BUB1: variants seen among roughly 807,000 people sequenced by gnomAD.
The protein encoded by BUB1 is BUB1 mitotic checkpoint serine/threonine kinase.
In BUB1, 84 loss-of-function variants were observed where a neutral mutation model predicts 135.2. The observed-to-expected ratio is 0.62, with a 90% confidence interval of 0.52 to 0.74. BUB1 has a LOEUF of 0.74. Ranked by LOEUF, BUB1 falls within the 30% of genes least tolerant of loss-of-function variation. The pLI is 0.00. For missense variants in BUB1, 1,162 were observed against 1,288.3 expected, an observed-to-expected ratio of 0.90 and a Z score of 1.50; for synonymous variants, 403 against 434.4, an observed-to-expected ratio of 0.93 and a Z score of 0.90.
Position 110,638,018 on chromosome 2 carries a change from G to T in BUB1, c.3204C>A (p.Ala1068=). 6.3e-7 allele frequency: 1 copy of T among 1,594,840 alleles called. No individual in the cohort carries two copies. Among genetic ancestry groups the T allele is most frequent in the Non-Finnish European group, 8.5e-7 (1 of 1,171,570 alleles). Residue 1068 remains alanine (A), a synonymous_variant, in exon 25 of 25, where the codon GCC becomes GCA. Transcript: ENST00000302759. ...FQQHYTNKIR[A]LRNRLIVLLL... ...GCAGTACAATTAGCCTATTACGTAG[G>T]GCCCTAATCTTGTTAGTATAGTGTT...
chr2:110,649,478 A>G, intron 18 of BUB1, 101 bp from the exon 19 acceptor site: 1 of 1,179,598 alleles, frequency 8.5e-7, no homozygotes, highest in Admixed American at 2.5e-5. Flanking sequence ...ATATTTACTA[A>G]GTAAGCTTTC....
chr2:110,677,014 T>C (rs796093828), intron 1 of BUB1, among the ~76,000 whole-genome samples: 4 of 152,304 alleles, frequency 2.6e-5, no homozygotes, highest in African/African-American at 9.6e-5. Flanking sequence ...TTCCAAAATA[T>C]GTCTAGTAGG....
At chr2:110,639,886 A>C in intron 23 of BUB1, 38 bp from the exon 24 acceptor site, 2 of 1,461,914 alleles carry the variant, frequency 1.4e-6, no homozygotes, top group Non-Finnish European at 1.9e-6. Context: ...CTTAAATAGT[A>C]ATTTACACAT....
intron 16 of BUB1, 37 bp from the exon 17 acceptor site, chr2:110,653,560 ATGCACATG>A: frequency 6.4e-7 from 1 of 1,557,048 alleles, no homozygotes; most frequent in Non-Finnish European, 8.9e-7. Flanking sequence ...GATATGTTAG[ATGCACATG>A]TGTGCACAAC....
At chr2:110,661,516 G>T in intron 10 of BUB1, 66 bp downstream of exon 10, 3 of 1,535,602 alleles carry the variant, frequency 2.0e-6, no homozygotes, top group Non-Finnish European at 2.7e-6. Context: ...GATAATGCAG[G>T]TCATGTAAAG....
In BUB1 at chr2:110,667,637, T is replaced by A. The variant is rs761997746; in HGVS notation, c.689A>T (p.Asp230Val). 4 of 1,613,920 alleles carry A rather than the reference T, an allele frequency of 2.5e-6. No homozygotes were observed. In the African/African-American group the frequency reaches 5.3e-5, roughly 22 times the overall value. Residue 230 changes from aspartate to valine, a missense_variant, in exon 8 of 25, where the codon GAT (aspartate) becomes GTT (valine). Physicochemically the swap from Asp to Val is radical, Grantham distance 152. Transcript: ENST00000302759. Reference sequence around the variant, plus strand: ...GCAATACATAACAACCTGCTCAACATCAACTTTGGATGCCAAAGATGAGTG... The same window carrying A: ...GCAATACATAACAACCTGCTCAACAACAACTTTGGATGCCAAAGATGAGTG... The part of the protein sequence containing the change: ...SVHSSLASKV[D>V]VEQVVMYCKE...
chr2:110,672,667 T>G lies in BUB1; in HGVS notation c.416A>C (p.Gln139Pro). 2 of 1,586,370 alleles carry G rather than the reference T, an allele frequency of 1.3e-6. No homozygotes were observed. Among genetic ancestry groups the G allele is most frequent in the Non-Finnish European group, 1.7e-6 (2 of 1,167,928 alleles). The change falls in exon 4 of 25, where the codon CAA becomes CCA. Residue 139 changes from glutamine (Q) to proline (P), a missense_variant. By Grantham distance (76) the Gln-to-Pro change is moderately conservative. Transcript: ENST00000302759. ...QAEPREFLQQ[Q>P]YRLFQTRLTE... is the part of the protein sequence containing the mutation. ...AGTTTGACTTTGTAACTACCTGTATTGTTGTTGCAGGAACTCTCTGGGTTC... is the reference window on the plus strand; with the variant it reads ...AGTTTGACTTTGTAACTACCTGTATGGTTGTTGCAGGAACTCTCTGGGTTC...
chr2:110,638,266 AC>A, intron 24 of BUB1, 107 bp from the exon 25 acceptor site: 2 of 766,676 alleles, frequency 2.6e-6, no homozygotes, highest in Non-Finnish European at 4.0e-6. Context: ...TAGTATAACA[AC>A]TCTCACCTAA....
chr2:110,645,876 A>T (rs1251555901), intron 19 of BUB1, among the ~76,000 whole-genome samples: 3 of 152,168 alleles, frequency 2.0e-5, no homozygotes, highest in Non-Finnish European at 4.4e-5. Context: ...TGCATTATAT[A>T]ATGTTAAAGG....
At chr2:110,649,129 G>T in intron 19 of BUB1, 105 bp downstream of exon 19, 2 of 1,098,004 alleles carry the variant, frequency 1.8e-6, no homozygotes, top group Non-Finnish European at 2.6e-6. Flanking sequence ...ATTGGAGGTT[G>T]GGGGGCAAAT....
intron 5 of BUB1, among the ~76,000 whole-genome samples, chr2:110,670,265 A>C (rs1197585508): frequency 2.0e-5 from 3 of 150,464 alleles, no homozygotes; most frequent in Non-Finnish European, 4.4e-5. Context: ...CAGCCTCCTG[A>C]GTAGCCAGGA....
chr2:110,638,121 A>C lies in BUB1; in HGVS notation c.3101T>G (p.Val1034Gly), dbSNP rs1559161796. 1 of 1,600,738 alleles carries C rather than the reference A, an allele frequency of 6.2e-7. No individual in the cohort carries two copies. Among genetic ancestry groups the C allele is most frequent in the Non-Finnish European group, 8.5e-7 (1 of 1,176,482 alleles). The change falls in exon 25 of 25, where the codon GTT (valine) becomes GGT (glycine). Residue 1034 changes from valine (V) to glycine (G), a missense_variant. By Grantham distance (109) the Val-to-Gly change is moderately radical. Coordinates refer to ENST00000302759, the MANE Select transcript of BUB1 (RefSeq NM_004336.5). ...HLDMWNEFFHVMLNIPDCHHL... is the reference protein window; with the variant it reads ...HLDMWNEFFHGMLNIPDCHHL... ...ATGACAATCTGGAATATTCAACATAACATGAAAAAATTCATTCCACATATC... is the reference window on the plus strand; with the variant it reads ...ATGACAATCTGGAATATTCAACATACCATGAAAAAATTCATTCCACATATC...
chr2:110,670,126 GTTTTTTTT>G (rs377459142), intron 5 of BUB1, among the ~76,000 whole-genome samples: 1 of 120,860 alleles, frequency 8.3e-6, no homozygotes. Flanking sequence ...AATTGGATGG[GTTTTTTTT>G]TTTTTTTTTT....
In BUB1 at chr2:110,670,587, G is replaced by C; in HGVS notation, c.423-19C>G. Reference sequence around the variant, plus strand: ...AAATAACCTAAATGACAGCAGAAAAGGCATCAATGTAGATTATAAACTTAC... The same window carrying C: ...AAATAACCTAAATGACAGCAGAAAACGCATCAATGTAGATTATAAACTTAC... On this transcript the variant is annotated intron_variant, in intron 4 of 24. Coordinates refer to ENST00000302759, the MANE Select transcript of BUB1 (RefSeq NM_004336.5). 1 of 1,613,098 alleles carries C rather than the reference G, an allele frequency of 6.2e-7. No homozygotes were observed. Among genetic ancestry groups the C allele is most frequent in the African/African-American group, 1.3e-5 (1 of 75,008 alleles).
intron 18 of BUB1, 46 bp from the exon 19 acceptor site, chr2:110,649,423 T>G: frequency 1.6e-5 from 24 of 1,477,252 alleles, no homozygotes; most frequent in Non-Finnish European, 2.0e-5. Flanking sequence ...ATGAATTGAG[T>G]ACTCAAGAAC....
At chr2:110,669,401 G>C in intron 6 of BUB1, 52 bp downstream of exon 6, 2 of 1,252,146 alleles carry the variant, frequency 1.6e-6, no homozygotes, top group Non-Finnish European at 2.3e-6. Context: ...AGCCAGGCTG[G>C]CCATTCAATA....
chr2:110,676,241 C>T (rs1187657021), intron 1 of BUB1, among the ~76,000 whole-genome samples: 2 of 152,026 alleles, frequency 1.3e-5, no homozygotes, highest in Admixed American at 6.5e-5. Flanking sequence ...GAAAAAGATA[C>T]ATGGCTCACA....
Position 110,667,631 on chromosome 2 carries a change from T to TC in BUB1, c.694dup (p.Glu232GlyfsTer21). On this transcript the variant is annotated frameshift_variant, in exon 8 of 25. Coordinates refer to ENST00000302759, the MANE Select transcript of BUB1 (RefSeq NM_004336.5). LOFTEE classifies it high-confidence loss of function. ...CTCCTTGCAATACATAACAACCTGC[T>TC]CAACATCAACTTTGGATGCCAAAGA... 1 of 1,614,060 alleles carries TC rather than the reference T, an allele frequency of 6.2e-7. No individual in the cohort carries two copies. The highest frequency in any genetic ancestry group is 8.5e-7 in the Non-Finnish European group (1 of 1,179,976).
At chr2:110,671,995 G>C (rs1481331711) in intron 4 of BUB1, among the ~76,000 whole-genome samples, 7 of 152,234 alleles carry the variant, frequency 4.6e-5, no homozygotes, top group Admixed American at 2.6e-4. Context: ...GGCCGAGTGA[G>C]GCAGGAAGAT....
Sources: gnomAD v4.1 joint callset for allele counts (sites outside exome capture counted in the v4.1 genomes callset) on GRCh38, gnomAD v4.1.1 for gene constraint, MANE v1.5 for transcripts, NCBI Gene and HGNC (gene_info 2026-07-23, HGNC 2026-07-21) for gene names.